The following WDTC1 variants were observed in gnomAD, a reference collection of about 807,000 sequenced individuals.
WDTC1 encodes the protein WD and tetratricopeptide repeats 1.
A neutral mutation model predicts 76.0 loss-of-function variants in WDTC1; 12 were observed. The ratio of observed to expected loss-of-function variants is 0.16; its 90% CI spans 0.10 to 0.26. The LOEUF is 0.26. WDTC1 is among the 10% of genes least tolerant of loss of function. WDTC1 has a pLI of 1.00. For synonymous variants in WDTC1, 326 were observed against 350.8 expected (o/e 0.93, Z 0.79); for missense variants, 511 against 908.8 (o/e 0.56, Z 5.63).
intron 2 of WDTC1, 64 bp downstream of exon 2, chr1:27,261,166 A>T: frequency 6.2e-7 from 1 of 1,601,560 alleles, no homozygotes; most frequent in Non-Finnish European, 8.5e-7. Flanking sequence ...TTGATTTTAC[A>T]GATGAAAAAA....
intron 1 of WDTC1, among the ~76,000 whole-genome samples, chr1:27,246,019 C>T (rs556703730): frequency 5.8e-4 from 89 of 152,266 alleles, no homozygotes; most frequent in African/African-American, 2.1e-3. Context: ...TCAGAGTCCA[C>T]CTCTCATTTT....
rs756503723 is a variant in WDTC1, at chr1:27,297,068, T to C, written c.970T>C (p.Ser324Pro). 1.2e-6 allele frequency: 2 copies of C among 1,614,072 alleles called. No homozygotes were observed. The highest frequency in any genetic ancestry group is 1.7e-6 in the Non-Finnish European group (2 of 1,179,972). Residue 324 changes from serine (S) to proline (P), a missense_variant, in exon 11 of 16, where the codon TCC becomes CCC. Physicochemically the swap from Ser to Pro is moderately conservative, Grantham distance 74. Transcript: ENST00000319394. ...GCCAGAAGTCCAGAATGGCAAGATG[T>C]CCACCAACGGTGTGTCCAACGGTGT... Reference protein sequence around the residue: ...SSGEVQNGKMSTNGVSNGVSN... With the variant: ...SSGEVQNGKMPTNGVSNGVSN...
At position 27,261,087 on chromosome 1, in the gene WDTC1, C is replaced by T. The variant is rs769381504; in HGVS notation, c.33C>T (p.Ile11=). The T allele has an allele frequency of 7.4e-6, 12 of 1,613,998 alleles. No homozygotes were observed. Among genetic ancestry groups the T allele is most frequent in the African/African-American group, 2.7e-5 (2 of 74,926 alleles). The stretch of plus-strand genomic sequence containing the variant: ...AAGTCAACATAACTAGAGACCTCAT[C>T]CGTAGGCAGATCAAGGTAAGCAGCC... MAKVNITRDL[I]RRQIKERGAL... The change falls in exon 2 of 16, where the codon ATC becomes ATT. Residue 11 remains isoleucine, a synonymous_variant. Transcript: ENST00000319394.
At chr1:27,295,214 A>C (rs1342680496) in intron 9 of WDTC1, among the ~76,000 whole-genome samples, 2 of 152,234 alleles carry the variant, frequency 1.3e-5, no homozygotes, top group East Asian at 3.8e-4. Flanking sequence ...AATAGAGACA[A>C]GTGGGAAATA....
chr1:27,281,236 C>T (rs900273844), intron 3 of WDTC1, among the ~76,000 whole-genome samples: 8 of 151,774 alleles, frequency 5.3e-5, no homozygotes, highest in African/African-American at 9.7e-5. Flanking sequence ...CCGAGGCGGG[C>T]GGATCATGAG....
intron 1 of WDTC1, among the ~76,000 whole-genome samples, chr1:27,250,967 A>G (rs1383016893): frequency 6.8e-6 from 1 of 146,824 alleles, no homozygotes; most frequent in African/African-American, 2.5e-5. Flanking sequence ...CCCAGGTTCA[A>G]GCGATTCTCC....
At chr1:27,236,863 G>C (rs980770641) in intron 1 of WDTC1, among the ~76,000 whole-genome samples, 5 of 152,004 alleles carry the variant, frequency 3.3e-5, no homozygotes, top group African/African-American at 1.2e-4. Context: ...TTTTGAGATG[G>C]AGTCTTGCTC....
rs150739359 is a variant in WDTC1 at position 27,304,090 on chromosome 1, T to C, written c.1643+295T>C. On this transcript the variant is annotated intron_variant, in intron 14 of 15. Transcript: ENST00000319394. Reference sequence around the variant, plus strand: ...CCACCTCCTTCTCCCTCTGTCTGCATGTGCCAGAGCTTGGTTTCTTTATCT... The same window carrying C: ...CCACCTCCTTCTCCCTCTGTCTGCACGTGCCAGAGCTTGGTTTCTTTATCT... The C allele has an allele frequency of 1.1e-5, 4 of 354,078 alleles. No homozygotes were observed. The Admixed American group carries it at 2.1e-4, about 19-fold the overall frequency. The allele number at this position is 354,078 out of a possible 1,614,324, so 21.9% of individuals were successfully genotyped here.
At chr1:27,257,562 C>T (rs1570947949) in intron 1 of WDTC1, among the ~76,000 whole-genome samples, 1 of 152,148 alleles carries the variant, frequency 6.6e-6, no homozygotes, top group Non-Finnish European at 1.5e-5. Context: ...CCATTTCAGG[C>T]TAGTGTTTAG....
At chr1:27,279,061 C>CA (rs2013119002) in intron 3 of WDTC1, among the ~76,000 whole-genome samples, 1 of 152,048 alleles carries the variant, frequency 6.6e-6, no homozygotes, top group South Asian at 2.1e-4. Flanking sequence ...TACACTGTCT[C>CA]AAAAAATAAA....
chr1:27,297,431 C>G (rs1371501556), intron 11 of WDTC1, among the ~76,000 whole-genome samples: 4 of 152,202 alleles, frequency 2.6e-5, no homozygotes, highest in Non-Finnish European at 5.9e-5. Flanking sequence ...TAGCACTGAG[C>G]TGTCTCCAAA....
At chr1:27,260,577 A>G (rs899030926) in intron 1 of WDTC1, among the ~76,000 whole-genome samples, 1 of 152,234 alleles carries the variant, frequency 6.6e-6, no homozygotes, top group African/African-American at 2.4e-5. Context: ...GATTTGAAGC[A>G]TAACTAAAAG....
chr1:27,295,232 T>A (rs2013651540), intron 9 of WDTC1, among the ~76,000 whole-genome samples: 1 of 152,128 alleles, frequency 6.6e-6, no homozygotes, highest in African/African-American at 2.4e-5. Context: ...ATATGATCCA[T>A]CCCCAGGCTG....
In WDTC1 at chr1:27,308,121, GC is replaced by G. The variant is rs2014001400; in HGVS notation, c.*1741del. ...CCCACCCCCTGCCTGCCCAGCCTGG[GC>G]CCTGCAGTGTGGAGAGACACATAAG... On this transcript the variant is annotated 3_prime_UTR_variant, in exon 16 of 16. Transcript: ENST00000319394. 1 of 152,240 alleles carries G rather than the reference GC, an allele frequency of 6.6e-6. No homozygotes were observed. Among genetic ancestry groups the G allele is most frequent in the African/African-American group, 2.4e-5 (1 of 41,434 alleles). The allele number at this position is 152,240 out of a possible 1,614,324, so 9.4% of individuals were successfully genotyped here. A position where few individuals can be genotyped will look rare whatever the true frequency, so the allele number is the denominator to read the frequency against.
intron 1 of WDTC1, among the ~76,000 whole-genome samples, chr1:27,237,226 C>G (rs2011509236): frequency 6.6e-6 from 1 of 152,184 alleles, no homozygotes; most frequent in African/African-American, 2.4e-5. Flanking sequence ...TCTCGTACCT[C>G]TGCCTTCCTA....
At chr1:27,263,983 T>C (rs1187018133) in intron 3 of WDTC1, among the ~76,000 whole-genome samples, 1 of 151,444 alleles carries the variant, frequency 6.6e-6, no homozygotes, top group Non-Finnish European at 1.5e-5. Flanking sequence ...TGTAGGGATG[T>C]AGACTGAGAA....
chr1:27,262,008 C>T (rs990548804), intron 2 of WDTC1, among the ~76,000 whole-genome samples: 11 of 151,642 alleles, frequency 7.3e-5, no homozygotes, highest in African/African-American at 2.2e-4. Flanking sequence ...CAGCTCAGTG[C>T]GACCTCCACC....
rs1388203561 is a variant in WDTC1, at chr1:27,306,597, A to G, written c.*214A>G. 1.6e-6 allele frequency: 1 copy of G among 623,644 alleles called. No homozygotes were observed. The highest frequency in any genetic ancestry group is 2.8e-5 in the East Asian group (1 of 35,334). The allele number at this position is 623,644 out of a possible 1,614,324, so 38.6% of individuals were successfully genotyped here. On this transcript the variant is annotated 3_prime_UTR_variant, in exon 16 of 16. Transcript: ENST00000319394. The surrounding 1 kb of genome is among the most constrained non-coding windows in gnomAD (Gnocchi z 5.0). ...TGTCCCCTGACTATCCCCAGCCCTG[A>G]AAAAAAGAGCAGGAGGGGACACCCC...
chr1:27,252,585 G>A (rs1311265588), intron 1 of WDTC1, among the ~76,000 whole-genome samples: 2 of 151,908 alleles, frequency 1.3e-5, no homozygotes, highest in Non-Finnish European at 2.9e-5. Context: ...ATTACTTGAG[G>A]CCAGGCATTC....
Sources: gnomAD v4.1 joint callset for allele counts (sites outside exome capture counted in the v4.1 genomes callset) on GRCh38, gnomAD v4.1.1 for gene constraint, Gnocchi (gnomAD v3.1) non-coding constraint, MANE v1.5 for transcripts, NCBI Gene and HGNC (gene_info 2026-07-23, HGNC 2026-07-21) for gene names.